TOGARAM2: variants seen among roughly 807,000 people sequenced by gnomAD.
TOGARAM2 encodes TOG array regulator of axonemal microtubules protein 2.
A neutral mutation model predicts 93.3 loss-of-function variants in TOGARAM2; 85 were observed. The observed-to-expected ratio is 0.91, with a 90% CI of 0.76 to 1.09. The LOEUF (loss-of-function observed/expected upper bound fraction) is 1.09. TOGARAM2 is among the 50% of genes least tolerant of loss of function. The pLI, the probability that TOGARAM2 is intolerant of heterozygous loss-of-function variation, is 0.00. For synonymous variants in TOGARAM2, 593 were observed against 552.8 expected (o/e 1.07, Z -1.02); for missense variants, 1,277 against 1,334.5 (o/e 0.96, Z 0.67).
rs780312014 is a variant in TOGARAM2 at position 28,994,106 on chromosome 2, A to G, written c.-110-619A>G. On this transcript the variant is annotated intron_variant, in intron 1 of 19. Transcript: ENST00000379558. ...TGTCACATGGAAATAAAATGAAGTT[A>G]GGTCAAGGGCAAGAGCTGAGGGCTG... is the stretch of plus-strand genomic sequence containing the variant. Among the ~76,000 whole-genome samples, 10 of 152,222 alleles carry G rather than the reference A, an allele frequency of 6.6e-5. No homozygotes were observed. In the South Asian group the frequency reaches 8.3e-4, roughly 13 times the overall value.
At chr2:28,968,452 G>T (rs115611362) in intron 1 of TOGARAM2, among the ~76,000 whole-genome samples, 1,900 of 151,906 alleles carry the variant, frequency 0.013, 45 homozygotes, top group African/African-American at 0.042. Flanking sequence ...CGCAGCGGAG[G>T]TTGTCCATTT....
In TOGARAM2 at chr2:29,052,047, C is replaced by T. The variant is rs375361601; in HGVS notation, c.3014C>T (p.Pro1005Leu). The T allele has an allele frequency of 1.2e-6, 2 of 1,600,018 alleles. No homozygotes were observed. The change falls in exon 20 of 20, where the codon CCT (proline) becomes CTT (leucine). Residue 1005 changes from proline (P) to leucine (L), a missense_variant. Transcript: ENST00000379558. ...AAGGCCACTGACAGAGGGGTGGCCC[C>T]TGACAGCAAGACAACTGGCAGCTCA... ...SRKATDRGVA[P>L]DSKTTGSSYP...
At chr2:29,013,569 G>A (rs909355911) in intron 7 of TOGARAM2, among the ~76,000 whole-genome samples, 2 of 152,226 alleles carry the variant, frequency 1.3e-5, no homozygotes, top group Admixed American at 6.5e-5. Flanking sequence ...AAGTCTCAGA[G>A]TCCAAAGGCC....
intron 12 of TOGARAM2, among the ~76,000 whole-genome samples, chr2:29,023,480 G>A (rs931486818): frequency 6.6e-6 from 1 of 152,222 alleles, no homozygotes; most frequent in Non-Finnish European, 1.5e-5. Context: ...GAGGGATGGA[G>A]CGTCCAGGGC....
intron 1 of TOGARAM2, among the ~76,000 whole-genome samples, chr2:28,970,089 G>T (rs2148221365): frequency 6.6e-6 from 1 of 152,150 alleles, no homozygotes; most frequent in East Asian, 1.9e-4. Context: ...AGGATTACAG[G>T]CATGAGCCAC....
At chr2:29,033,875 C>T (rs150669114) in intron 16 of TOGARAM2, among the ~76,000 whole-genome samples, 24 of 152,226 alleles carry the variant, frequency 1.6e-4, no homozygotes, top group African/African-American at 4.6e-4. Context: ...TTTCCTCGTT[C>T]GCTTAGACCA....
rs763804780 is a variant in TOGARAM2, at chr2:29,051,781, G to A, written c.2748G>A (p.Arg916=). 2 of 1,528,390 alleles carry A rather than the reference G, an allele frequency of 1.3e-6. No homozygotes were observed. The highest frequency in any genetic ancestry group is 1.8e-6 in the Non-Finnish European group (2 of 1,130,512). The allele number at this position is 1,528,390 out of a possible 1,614,324, so 94.7% of individuals were successfully genotyped here. Residue 916 remains arginine, a synonymous_variant, in exon 20 of 20, where the codon CGG becomes CGA. Transcript: ENST00000379558. ...TGCTGGTGGCCTCAGTTTACCCCCG[G>A]AAGCCTCAAGCTGTAGAGCGGCATG... ...LAVLVASVYP[R]KPQAVERHVL...
At chr2:28,987,189 A>G (rs1672505862) in intron 1 of TOGARAM2, among the ~76,000 whole-genome samples, 2 of 152,256 alleles carry the variant, frequency 1.3e-5, no homozygotes, top group African/African-American at 2.4e-5. Context: ...AGTATTTGGA[A>G]GCACACTGTA....
intron 19 of TOGARAM2, chr2:29,045,721 A>T (rs1666705070): frequency 2.7e-6 from 1 of 368,828 alleles, no homozygotes; most frequent in Non-Finnish European, 5.0e-6. Context: ...CGCTGACATG[A>T]CATTAAAAGA....
chr2:28,962,757 C>G (rs1251137493), intron 1 of TOGARAM2, among the ~76,000 whole-genome samples: 1 of 130,888 alleles, frequency 7.6e-6, no homozygotes, highest in Non-Finnish European at 1.6e-5. Context: ...CCTTCCCTCC[C>G]CTCCCCTTCC....
In TOGARAM2 at chr2:29,021,761, G is replaced by A. The variant is rs79209774; in HGVS notation, c.1361-397G>A. Among the ~76,000 whole-genome samples the A allele has an allele frequency of 2.8e-3, 420 of 152,292 alleles. 5 individuals are homozygous for A. The highest frequency in any genetic ancestry group is 9.7e-3 in the African/African-American group (401 of 41,552). On this transcript the variant is annotated intron_variant, in intron 10 of 19. Transcript: ENST00000379558. The stretch of plus-strand genomic sequence containing the variant: ...CTCTGGTTGGGAATGAGGTTAGACC[G>A]CCACCAAAGTGAGTAGGGAGATCAT...
chr2:29,029,255 ATG>A (rs1468419846), intron 14 of TOGARAM2, among the ~76,000 whole-genome samples: 22 of 133,664 alleles, frequency 1.6e-4, no homozygotes, highest in African/African-American at 5.8e-4. Context: ...GTATGTATGT[ATG>A]TGTGTATACA....
At chr2:28,984,404 C>G (rs540705847) in intron 1 of TOGARAM2, among the ~76,000 whole-genome samples, 1 of 152,310 alleles carries the variant, frequency 6.6e-6, no homozygotes, top group South Asian at 2.1e-4. Context: ...GTCTTCTGAG[C>G]TTCTTGCAGG....
chr2:29,033,390 T>C, intron 15 of TOGARAM2, 79 bp from the exon 16 acceptor site: 1 of 1,302,082 alleles, frequency 7.7e-7, no homozygotes, highest in Non-Finnish European at 1.1e-6. Flanking sequence ...ATTGCCATTG[T>C]TATGTCTCCA....
chr2:28,972,143 C>CA (rs2148223141), intron 1 of TOGARAM2, among the ~76,000 whole-genome samples: 1 of 152,274 alleles, frequency 6.6e-6, no homozygotes, highest in Non-Finnish European at 1.5e-5. Context: ...AGCTGGAGTG[C>CA]AGTGGTGTGA....
intron 1 of TOGARAM2, among the ~76,000 whole-genome samples, chr2:28,961,356 G>A (rs557963140): frequency 2.0e-5 from 3 of 151,930 alleles, no homozygotes. Context: ...AATTTTTTTG[G>A]AGGCAGAATC....
intron 1 of TOGARAM2, among the ~76,000 whole-genome samples, chr2:28,964,306 T>C (rs1388936244): frequency 6.6e-6 from 1 of 152,212 alleles, no homozygotes; most frequent in Non-Finnish European, 1.5e-5. Context: ...TCCATCTTTA[T>C]ACCAGGGAAC....
intron 1 of TOGARAM2, among the ~76,000 whole-genome samples, chr2:28,985,548 G>T (rs1320362613): frequency 1.3e-5 from 2 of 152,052 alleles, no homozygotes; most frequent in African/African-American, 4.8e-5. Context: ...TAAATTACTA[G>T]ACCAAGTTCT....
At chr2:28,990,995 T>TGTGTGTGTGTGTGAAGG (rs1336354789) in intron 1 of TOGARAM2, among the ~76,000 whole-genome samples, 26 of 26,088 alleles carry the variant, frequency 1.0e-3, no homozygotes, top group African/African-American at 2.5e-3. Context: ...GTGAAGGGTG[T>TGTGTGTGTGTGTGAAGG]GTGTGTGTGT....
Sources: allele counts gnomAD v4.1 joint callset (sites outside exome capture counted in the v4.1 genomes callset), GRCh38; gene constraint gnomAD v4.1.1; transcripts MANE v1.5; gene names NCBI Gene and HGNC (gene_info 2026-07-23, HGNC 2026-07-21).